The following CLASRP variants were observed in gnomAD, a reference collection of about 807,000 sequenced individuals.
CLASRP encodes the protein CLK4 associating serine/arginine rich protein.
In CLASRP, 52 loss-of-function variants were observed where a neutral mutation model predicts 99.9. The ratio of observed to expected loss-of-function variants is 0.52; its 90% CI spans 0.42 to 0.66. The LOEUF is 0.66. Among genes scored for constraint, CLASRP ranks in the 30% least tolerant of loss-of-function variants. CLASRP has a pLI of 0.00. For synonymous variants in CLASRP, 379 were observed against 373.0 expected (o/e 1.02, Z -0.18); for missense variants, 848 against 999.2 (o/e 0.85, Z 2.04).
rs138989960 is a variant in CLASRP, at chr19:45,044,471, A to G, written c.99+4160A>G. Among the ~76,000 whole-genome samples, 577 of 152,290 alleles carry G rather than the reference A, an allele frequency of 3.8e-3. 2 individuals carry two copies. The highest frequency in any genetic ancestry group is 0.013 in the African/African-American group (548 of 41,576). ...ACGGAGATACGTGGCTTACAGTCAC[A>G]TAGCATGAGGGCAGAGCTGGCACTA... is the stretch of plus-strand genomic sequence containing the variant. On this transcript the variant is annotated intron_variant, in intron 2 of 20. Coordinates refer to ENST00000221455, the MANE Select transcript of CLASRP (RefSeq NM_007056.3).
intron 8 of CLASRP, among the ~76,000 whole-genome samples, chr19:45,059,803 A>T (rs1239115880): frequency 6.6e-6 from 1 of 152,106 alleles, no homozygotes; most frequent in African/African-American, 2.4e-5. Flanking sequence ...TGAGCATGGC[A>T]CCCTCTGCCC....
chr19:45,057,393 A>G (rs1972139745), intron 6 of CLASRP, among the ~76,000 whole-genome samples: 1 of 152,182 alleles, frequency 6.6e-6, no homozygotes, highest in Non-Finnish European at 1.5e-5. Context: ...GTTCAGGGCA[A>G]AGCTGGGGCA....
chr19:45,064,280 C>A, intron 12 of CLASRP, 53 bp downstream of exon 12: 1 of 1,523,030 alleles, frequency 6.6e-7, no homozygotes, highest in Non-Finnish European at 8.8e-7. Context: ...TGGGGGGTAC[C>A]CGGGGCAGAG....
At position 45,067,681 on chromosome 19, in the gene CLASRP, G is replaced by A. The variant is rs922601941; in HGVS notation, c.1667+87G>A. On this transcript the variant is annotated intron_variant, in intron 14 of 20. Coordinates refer to ENST00000221455, the MANE Select transcript of CLASRP (RefSeq NM_007056.3). This position sits in a 1 kb window ranked among gnomAD's most constrained non-coding sequence, Gnocchi z 4.9. ...CTGTTTTCTTTTTGAGGGGAACTTA[G>A]CCCTACCCTGGGAGGTCTGGGGGGT... The A allele has an allele frequency of 7.8e-7, 1 of 1,288,078 alleles. No homozygotes were observed. The highest frequency in any genetic ancestry group is 2.5e-5 in the East Asian group (1 of 40,532). The allele number at this position is 1,288,078 out of a possible 1,614,324, so 79.8% of individuals were successfully genotyped here.
At chr19:45,063,596 G>A (rs553035092) in intron 11 of CLASRP, among the ~76,000 whole-genome samples, 5 of 151,648 alleles carry the variant, frequency 3.3e-5, no homozygotes, top group South Asian at 4.2e-4. Context: ...ACAGGTGCGC[G>A]CCACCATGCT....
intron 1 of CLASRP, 142 bp from the exon 2 acceptor site, chr19:45,040,042 T>C: frequency 1.8e-6 from 1 of 553,566 alleles, no homozygotes; most frequent in South Asian, 2.0e-5. Flanking sequence ...TGGCATACTG[T>C]TCTGCAGCTT....
intron 13 of CLASRP, among the ~76,000 whole-genome samples, chr19:45,066,622 CAAAA>C (rs35834419): frequency 4.3e-4 from 8 of 18,664 alleles, no homozygotes; most frequent in East Asian, 3.3e-3. Context: ...GAGACTGTCT[CAAAA>C]AAAAAAAAAA....
intron 5 of CLASRP, among the ~76,000 whole-genome samples, chr19:45,056,171 T>A (rs1972115016): frequency 6.6e-6 from 1 of 152,102 alleles, no homozygotes; most frequent in Admixed American, 6.5e-5. Flanking sequence ...AGTGCCCAAG[T>A]ACCAGGCCAG....
chr19:45,062,514 A>G (rs1280801821), intron 11 of CLASRP, among the ~76,000 whole-genome samples: 1 of 152,102 alleles, frequency 6.6e-6, no homozygotes, highest in Admixed American at 6.6e-5. Flanking sequence ...AGTAGCTGGG[A>G]CTACAGGTGC....
At chr19:45,064,825 C>T (rs1600112989) in intron 13 of CLASRP, among the ~76,000 whole-genome samples, 195 bp downstream of exon 13, 1 of 152,186 alleles carries the variant, frequency 6.6e-6, no homozygotes, top group Non-Finnish European at 1.5e-5. Flanking sequence ...TTTGCGTGCG[C>T]GTTCTGGTGG....
intron 11 of CLASRP, 74 bp from the exon 12 acceptor site, chr19:45,063,938 G>C: frequency 6.7e-7 from 1 of 1,500,438 alleles, no homozygotes; most frequent in East Asian, 2.5e-5. Flanking sequence ...CGCTGCTGTT[G>C]ATCTGCTGTG....
rs969051096 is a variant in CLASRP, at chr19:45,060,195, TC to T, written c.711-193del. Among the ~76,000 whole-genome samples, 3 of 152,160 alleles carry T rather than the reference TC, an allele frequency of 2.0e-5. No individual in the cohort carries two copies. The highest frequency in any genetic ancestry group is 2.9e-5 in the Non-Finnish European group (2 of 68,014). On this transcript the variant is annotated intron_variant, in intron 8 of 20. Coordinates refer to ENST00000221455, the MANE Select transcript of CLASRP (RefSeq NM_007056.3). The surrounding 1 kb of genome is among the most constrained non-coding windows in gnomAD (Gnocchi z 4.6). Reference sequence around the variant, plus strand: ...AGGTGAGGATTTCTGTTTTTTTTTTTCAGTGCTCAGTTCTTGATACCTAAGA... The same window carrying T: ...AGGTGAGGATTTCTGTTTTTTTTTTTAGTGCTCAGTTCTTGATACCTAAGA...
Position 45,041,253 on chromosome 19 carries a change from CA to C in CLASRP, c.99+951del, listed in dbSNP as rs968319606. Among the ~76,000 whole-genome samples, 10 of 149,354 alleles carry C rather than the reference CA, an allele frequency of 6.7e-5. No individual in the cohort carries two copies. The East Asian group carries it at 1.4e-3, about 21-fold the overall frequency. ...AAAAAAAAAAAAAAAAAGACTGTCT[CA>C]AAAAAAAAGGAGTGAATATTAAGTG... On this transcript the variant is annotated intron_variant, in intron 2 of 20. Transcript: ENST00000221455.
intron 5 of CLASRP, among the ~76,000 whole-genome samples, chr19:45,053,821 T>C (rs1343629438): frequency 1.3e-5 from 2 of 152,124 alleles, no homozygotes; most frequent in Admixed American, 1.3e-4. Context: ...GGGGTCTCAC[T>C]GTGTTGTCCA....
Position 45,070,035 on chromosome 19 carries a change from CGAGAGAAGGA to C in CLASRP, c.1897_1906del (p.Glu633SerfsTer53). ...ATGCCTTCGCAGGGAGCGGGAACGC[CGAGAGAAGGA>C]GAGAGAAGAGTGGGAACGCCAGTAC... is the stretch of plus-strand genomic sequence containing the variant. On this transcript the variant is annotated frameshift_variant, in exon 19 of 21. Coordinates refer to ENST00000221455, the MANE Select transcript of CLASRP (RefSeq NM_007056.3). LOFTEE classifies it high-confidence loss of function. 1.9e-6 allele frequency: 3 copies of C among 1,604,444 alleles called. No homozygotes were observed. The highest frequency in any genetic ancestry group is 2.6e-6 in the Non-Finnish European group (3 of 1,171,340).
chr19:45,068,397 C>T (rs987008691), intron 15 of CLASRP, 23 bp from the exon 16 acceptor site: 23 of 1,493,862 alleles, frequency 1.5e-5, no homozygotes, highest in South Asian at 1.0e-4. Flanking sequence ...CCCCCTCTCC[C>T]GCCTCTTCTC....
chr19:45,061,791 C>T (rs1378546810), intron 10 of CLASRP, among the ~76,000 whole-genome samples: 1 of 150,944 alleles, frequency 6.6e-6, no homozygotes, highest in Admixed American at 6.6e-5. Flanking sequence ...ATCTTATCAT[C>T]ATCATCATCA....
chr19:45,064,203 C>T lies in CLASRP; in HGVS notation c.1097C>T (p.Ala366Val). ...GCACCTCCCCAGCCTGGCGGCCCCG[C>T]CCCGGGACGTAATGCCAGCGCCCGG... ...PPAPPQPGGP[A>V]PGRNASARRR... The change falls in exon 12 of 21, where the codon GCC becomes GTC. Residue 366 changes from alanine (A) to valine (V), a missense_variant. Ala to Val is a moderately conservative substitution (Grantham distance 64). Around this residue, in one of 8 missense-constraint regions of CLASRP, gnomAD observed 489 missense variants for 434.7 expected, o/e 1.12. Coordinates refer to ENST00000221455, the MANE Select transcript of CLASRP (RefSeq NM_007056.3). 6.2e-7 allele frequency: 1 copy of T among 1,601,032 alleles called. No individual in the cohort carries two copies. Among genetic ancestry groups the T allele is most frequent in the South Asian group, 1.1e-5 (1 of 90,188 alleles).
chr19:45,057,615 C>A (rs899801498), intron 6 of CLASRP, 135 bp from the exon 7 acceptor site: 6 of 955,614 alleles, frequency 6.3e-6, no homozygotes, highest in Non-Finnish European at 7.9e-6. Flanking sequence ...TGGGTGTGGG[C>A]AGGAGCAGAG....
Sources: allele counts gnomAD v4.1 joint callset (sites outside exome capture counted in the v4.1 genomes callset), GRCh38; gene constraint gnomAD v4.1.1; regional missense constraint gnomAD v4.1.1; non-coding constraint Gnocchi (gnomAD v3.1); transcripts MANE v1.5; gene names NCBI Gene and HGNC (gene_info 2026-07-23, HGNC 2026-07-21).